NUP85: variants seen among roughly 807,000 people sequenced by gnomAD.
The protein encoded by NUP85 is nucleoporin 85.
In NUP85, 23 loss-of-function variants were observed where a neutral mutation model predicts 92.8. The observed-to-expected ratio is 0.25, with a 90% CI of 0.18 to 0.35. The LOEUF (loss-of-function observed/expected upper bound fraction) is 0.35, where lower values mean the gene tolerates loss of function less well. Among genes scored for constraint, NUP85 ranks in the 10% least tolerant of loss-of-function variants. The pLI is 1.00. For missense variants in NUP85, 759 were observed against 822.8 expected (o/e 0.92, Z 0.95); for synonymous variants, 314 against 306.9 (o/e 1.02, Z -0.24).
At chr17:75,220,422 CTTT>C (rs551735621) in intron 7 of NUP85, among the ~76,000 whole-genome samples, 4 of 140,938 alleles carry the variant, frequency 2.8e-5, no homozygotes, top group East Asian at 2.1e-4. Context: ...CATGCCTGGC[CTTT>C]TTTTTTTTTT....
chr17:75,206,196 A>C (rs1438672083), intron 1 of NUP85, among the ~76,000 whole-genome samples: 3 of 151,944 alleles, frequency 2.0e-5, no homozygotes, highest in Non-Finnish European at 4.4e-5. Context: ...GGTTTATTCA[A>C]CGTATTATCT....
intron 11 of NUP85, chr17:75,227,068 T>C (rs1379363186): frequency 5.4e-6 from 1 of 183,842 alleles, no homozygotes; most frequent in African/African-American, 2.3e-5. Flanking sequence ...AAGGTCCCCT[T>C]CCTTGTTGTG....
intron 1 of NUP85, among the ~76,000 whole-genome samples, chr17:75,206,395 G>C (rs1189939565): frequency 6.6e-6 from 1 of 151,994 alleles, no homozygotes; most frequent in Non-Finnish European, 1.5e-5. Context: ...GACTGAGGCA[G>C]GTCTCAACCG....
At chr17:75,208,732 T>A in intron 2 of NUP85, 112 bp downstream of exon 2, 1 of 736,382 alleles carries the variant, frequency 1.4e-6, no homozygotes, top group South Asian at 1.5e-5. Flanking sequence ...TATTTTGTAC[T>A]ATTTTAATTT....
At chr17:75,211,382 T>C (rs961527741) in intron 3 of NUP85, among the ~76,000 whole-genome samples, 1 of 151,514 alleles carries the variant, frequency 6.6e-6, no homozygotes, top group Non-Finnish European at 1.5e-5. Context: ...GAAAAAAACA[T>C]GTCAAAAGTC....
At chr17:75,225,006 T>C (rs2075733266) in intron 7 of NUP85, 97 bp from the exon 8 acceptor site, 2 of 1,325,382 alleles carry the variant, frequency 1.5e-6, no homozygotes, top group Non-Finnish European at 1.0e-6. Flanking sequence ...GTGTGAAGAG[T>C]TAAAAAGCCA....
intron 14 of NUP85, 106 bp from the exon 15 acceptor site, chr17:75,232,745 C>A: frequency 1.1e-6 from 1 of 931,216 alleles, no homozygotes; most frequent in Non-Finnish European, 1.8e-6. Flanking sequence ...CAAAGAGTGG[C>A]TCTGCGGTGG....
chr17:75,212,187 T>C lies in NUP85; in HGVS notation c.361+125T>C, dbSNP rs556258168. On this transcript the variant is annotated intron_variant, in intron 4 of 18. Transcript: ENST00000245544. ...GATATTCCAGTCCAAAACTTATTTT[T>C]CCATCTTTCATAATCCTTACTTTTT... The C allele has an allele frequency of 4.5e-5, 25 of 550,268 alleles. No homozygotes were observed. In the East Asian group the frequency reaches 8.6e-4, roughly 19 times the overall value. 34.1% of individuals were successfully genotyped at this position (550,268 alleles called of 1,614,324 possible).
intron 3 of NUP85, among the ~76,000 whole-genome samples, chr17:75,210,905 G>A (rs2075238170): frequency 6.6e-6 from 1 of 150,618 alleles, no homozygotes; most frequent in Non-Finnish European, 1.5e-5. Flanking sequence ...GTTTCACCGT[G>A]TTAGCCAGGA....
intron 5 of NUP85, among the ~76,000 whole-genome samples, chr17:75,214,781 C>T (rs1287754281): frequency 1.3e-5 from 2 of 151,700 alleles, no homozygotes; most frequent in African/African-American, 2.4e-5. Context: ...TGCTTGAACC[C>T]TGGAGGCAGA....
chr17:75,231,451 C>G lies in NUP85; in HGVS notation c.1178+28C>G. On this transcript the variant is annotated intron_variant, in intron 12 of 18. Transcript: ENST00000245544. The surrounding 1 kb of genome is among the most constrained non-coding windows in gnomAD (Gnocchi z 4.6). ...AAGTGGCCGGGAGGCACCGATCCTCCTCTTCTTACCACCAGGCCCCCGAGG... is the reference window on the plus strand; with the variant it reads ...AAGTGGCCGGGAGGCACCGATCCTCGTCTTCTTACCACCAGGCCCCCGAGG... 1 of 1,612,780 alleles carries G rather than the reference C, an allele frequency of 6.2e-7. No individual in the cohort carries two copies. Among genetic ancestry groups the G allele is most frequent in the East Asian group, 2.2e-5 (1 of 44,878 alleles).
chr17:75,215,545 C>A (rs1333577147), intron 5 of NUP85, among the ~76,000 whole-genome samples: 1 of 152,236 alleles, frequency 6.6e-6, no homozygotes, highest in Non-Finnish European at 1.5e-5. Flanking sequence ...AATAAAATCA[C>A]AACCACTAAA....
rs142439182 is a variant in NUP85, at chr17:75,231,173, C to T, written c.1095-167C>T. ...TAAATTCCTGGACTCAGGTGATCTG[C>T]CTGCCTTGGCCTCCCAAAGTACTGG... is the stretch of plus-strand genomic sequence containing the variant. On this transcript the variant is annotated intron_variant, in intron 11 of 18. Coordinates refer to ENST00000245544, the MANE Select transcript of NUP85 (RefSeq NM_024844.5). The surrounding 1 kb of genome is among the most constrained non-coding windows in gnomAD (Gnocchi z 4.6). 7.5e-6 allele frequency: 5 copies of T among 669,726 alleles called. No homozygotes were observed. The East Asian group carries it at 1.3e-4, about 17-fold the overall frequency. 41.5% of individuals were successfully genotyped at this position (669,726 alleles called of 1,614,324 possible).
At chr17:75,229,565 T>A (rs892301457) in intron 11 of NUP85, among the ~76,000 whole-genome samples, 7 of 151,948 alleles carry the variant, frequency 4.6e-5, no homozygotes, top group African/African-American at 1.7e-4. Context: ...TCCTTCAGAG[T>A]GAGAGAGAGA....
At chr17:75,216,523 C>T (rs1450685636) in intron 6 of NUP85, among the ~76,000 whole-genome samples, 1 of 152,166 alleles carries the variant, frequency 6.6e-6, no homozygotes, top group Admixed American at 6.6e-5. Flanking sequence ...CCTCGGTCTC[C>T]CAAAGTGCAG....
Position 75,231,318 on chromosome 17 carries a change from G to C in NUP85, c.1095-22G>C. 6.2e-7 allele frequency: 1 copy of C among 1,613,850 alleles called. No individual in the cohort carries two copies. Among genetic ancestry groups the C allele is most frequent in the Non-Finnish European group, 8.5e-7 (1 of 1,179,794 alleles). On this transcript the variant is annotated intron_variant, in intron 11 of 18. Transcript: ENST00000245544. The surrounding 1 kb of genome is among the most constrained non-coding windows in gnomAD (Gnocchi z 4.6). ...GGCCTGTGCCCTGATTTTCCTTCTT[G>C]CCTTGGTGTCTGAATCTGCAGCATC...
chr17:75,206,077 C>G (rs904580703), intron 1 of NUP85, among the ~76,000 whole-genome samples: 15 of 152,086 alleles, frequency 9.9e-5, no homozygotes, highest in African/African-American at 3.4e-4. Flanking sequence ...CTTGCTTTTC[C>G]TCTTGGGCAT....
Position 75,231,043 on chromosome 17 carries a change from C to CA in NUP85, c.1095-296dup, listed in dbSNP as rs1388267589. The CA allele has an allele frequency of 5.7e-6, 2 of 351,482 alleles. No homozygotes were observed. The highest frequency in any genetic ancestry group is 2.1e-5 in the African/African-American group (1 of 47,316). 21.8% of individuals were successfully genotyped at this position (351,482 alleles called of 1,614,324 possible). The stretch of plus-strand genomic sequence containing the variant: ...GCTTCCCAGGCTCAAGCAATACTCC[C>CA]ACCCCAGCTTCTCGAGTAGCTGGGA... On this transcript the variant is annotated intron_variant, in intron 11 of 18. Coordinates refer to ENST00000245544, the MANE Select transcript of NUP85 (RefSeq NM_024844.5). This position sits in a 1 kb window ranked among gnomAD's most constrained non-coding sequence, Gnocchi z 4.6.
chr17:75,210,355 A>T (rs1266141679), intron 3 of NUP85, among the ~76,000 whole-genome samples: 1 of 152,228 alleles, frequency 6.6e-6, no homozygotes. Flanking sequence ...TTCAGACGTT[A>T]TTTGACAACA....
Sources: allele counts gnomAD v4.1 joint callset (sites outside exome capture counted in the v4.1 genomes callset), GRCh38; gene constraint gnomAD v4.1.1; non-coding constraint Gnocchi (gnomAD v3.1); transcripts MANE v1.5; gene names NCBI Gene and HGNC (gene_info 2026-07-23, HGNC 2026-07-21).